TMTC1: variants seen among roughly 807,000 people sequenced by gnomAD.
TMTC1 encodes the protein protein O-mannosyl-transferase TMTC1.
A neutral mutation model predicts 104.8 loss-of-function variants in TMTC1; 73 were observed. The observed-to-expected ratio is 0.70, with a 90% CI of 0.58 to 0.85. The LOEUF (loss-of-function observed/expected upper bound fraction) is 0.85. TMTC1 is among the 40% of genes least tolerant of loss of function. The probability of loss-of-function intolerance (pLI) is 0.00; values close to 1 mark genes in which losing one functional copy is unlikely to be tolerated. For synonymous variants in TMTC1, 434 were observed against 428.7 expected (o/e 1.01, Z -0.15); for missense variants, 1,035 against 1,096.1 (o/e 0.94, Z 0.79).
chr12:29,642,937 T>C (rs114992749), intron 5 of TMTC1, among the ~76,000 whole-genome samples: 8,458 of 147,158 alleles, frequency 0.057, 284 homozygotes, highest in African/African-American at 0.076. Flanking sequence ...AAAAAAAAAC[T>C]CCCAAACAAA....
chr12:29,653,969 T>G (rs957695874), intron 5 of TMTC1, among the ~76,000 whole-genome samples: 1 of 152,216 alleles, frequency 6.6e-6, no homozygotes, highest in African/African-American at 2.4e-5. Context: ...AACTAAAGTT[T>G]TGTATAACTC....
chr12:29,691,884 C>T (rs549737716), intron 5 of TMTC1, among the ~76,000 whole-genome samples: 1 of 144,782 alleles, frequency 6.9e-6, no homozygotes, highest in South Asian at 2.2e-4. Flanking sequence ...ACTGCTGTGT[C>T]CAGAGGGTCG....
intron 10 of TMTC1, among the ~76,000 whole-genome samples, chr12:29,556,566 G>GCATGT (rs1439219640): frequency 2.0e-5 from 3 of 152,172 alleles, no homozygotes; most frequent in African/African-American, 7.2e-5. Flanking sequence ...GCTTAGCTCA[G>GCATGT]CATGTTCTCA....
At chr12:29,533,359 GA>G (rs1296483559) in intron 11 of TMTC1, 3 of 152,168 alleles carry the variant, frequency 2.0e-5, no homozygotes, top group Non-Finnish European at 4.4e-5. Context: ...CTGAGGATGG[GA>G]AATGATGTCA....
chr12:29,745,024 T>G (rs1432460491), intron 5 of TMTC1, among the ~76,000 whole-genome samples: 1 of 152,096 alleles, frequency 6.6e-6, no homozygotes, highest in African/African-American at 2.4e-5. Context: ...CTCTTGGACT[T>G]AAGCGATCCT....
intron 1 of TMTC1, among the ~76,000 whole-genome samples, chr12:29,777,127 G>T (rs983783166): frequency 6.6e-5 from 10 of 151,630 alleles, no homozygotes; most frequent in Non-Finnish European, 1.0e-4. Context: ...ACAGAGTCTC[G>T]CTCTGTTGCC....
chr12:29,636,973 T>A lies in TMTC1; in HGVS notation c.939-3637A>T, dbSNP rs187138616. On this transcript the variant is annotated intron_variant, in intron 5 of 17. Coordinates refer to ENST00000539277, the MANE Select transcript of TMTC1 (RefSeq NM_001193451.2). ...CCAGAGGCTGAGTTGAGAGGATGGA[T>A]CACTTTAGCCAGGGAGGTCAAGGCT... 6.3e-3 allele frequency among the ~76,000 whole-genome samples: 954 copies of A among 151,402 alleles called. 17 individuals carry two copies. The highest frequency in any genetic ancestry group is 0.022 in the African/African-American group (899 of 41,218).
At chr12:29,624,333 A>C (rs7979833) in intron 6 of TMTC1, among the ~76,000 whole-genome samples, 1 of 151,482 alleles carries the variant, frequency 6.6e-6, no homozygotes, top group Non-Finnish European at 1.5e-5. Context: ...TGGGCCCACC[A>C]AGAAGAAAAC....
intron 9 of TMTC1, among the ~76,000 whole-genome samples, chr12:29,571,396 A>C (rs897936136): frequency 4.0e-5 from 6 of 151,868 alleles, no homozygotes; most frequent in African/African-American, 1.5e-4. Flanking sequence ...CCCAACCAGC[A>C]ACTATAACTG....
intron 5 of TMTC1, among the ~76,000 whole-genome samples, chr12:29,687,851 A>G (rs1013463668): frequency 6.6e-6 from 1 of 152,098 alleles, no homozygotes; most frequent in Non-Finnish European, 1.5e-5. Context: ...AAGAACTATG[A>G]TATCTCTTCC....
chr12:29,746,508 G>T (rs1241285415), intron 5 of TMTC1, among the ~76,000 whole-genome samples: 1 of 152,124 alleles, frequency 6.6e-6, no homozygotes, highest in African/African-American at 2.4e-5. Context: ...TGACATAAAA[G>T]TTCAAAAGCC....
In TMTC1 at chr12:29,520,730, GA is replaced by G. The variant is rs770386211; in HGVS notation, c.1786-11del. 1 of 1,591,600 alleles carries G rather than the reference GA, an allele frequency of 6.3e-7. No individual in the cohort carries two copies. The highest frequency in any genetic ancestry group is 1.1e-5 in the South Asian group (1 of 87,724). ...CTTCTTTAAACCGCTCCTTTAAAAA[GA>G]AAGAAACAAACAAAATAAGTGAGAA... On this transcript the variant is annotated splice_polypyrimidine_tract_variant and intron_variant, in intron 11 of 17. Transcript: ENST00000539277.
chr12:29,716,945 G>T (rs1182927618), intron 5 of TMTC1, among the ~76,000 whole-genome samples: 2 of 152,078 alleles, frequency 1.3e-5, no homozygotes, highest in Non-Finnish European at 2.9e-5. Flanking sequence ...AACCTGGGAG[G>T]TGGAGCTTGC....
intron 10 of TMTC1, among the ~76,000 whole-genome samples, chr12:29,541,847 C>T (rs919542049): frequency 1.3e-4 from 19 of 151,956 alleles, no homozygotes; most frequent in Admixed American, 5.9e-4. Context: ...TTAGGAGAGA[C>T]GGTGTTTCAC....
chr12:29,582,482 C>T (rs960843951), intron 8 of TMTC1, among the ~76,000 whole-genome samples: 18 of 152,180 alleles, frequency 1.2e-4, no homozygotes, highest in Non-Finnish European at 2.2e-4. Flanking sequence ...GCTTTCTTTT[C>T]CTAAGACTTT....
chr12:29,612,724 C>T (rs1002626298), intron 6 of TMTC1, among the ~76,000 whole-genome samples: 5 of 152,132 alleles, frequency 3.3e-5, no homozygotes, highest in Non-Finnish European at 7.4e-5. Flanking sequence ...CTCATCCACT[C>T]ATCTTGACAC....
intron 1 of TMTC1, among the ~76,000 whole-genome samples, chr12:29,778,043 T>C (rs1254912549): frequency 2.0e-5 from 3 of 152,216 alleles, no homozygotes; most frequent in Admixed American, 6.5e-5. Flanking sequence ...ACCTTCAAGA[T>C]CAAACATTAA....
chr12:29,758,897 A>C, intron 2 of TMTC1, 120 bp from the exon 3 acceptor site: 1 of 852,888 alleles, frequency 1.2e-6, no homozygotes, highest in Non-Finnish European at 1.7e-6. Flanking sequence ...ATAAAATAGA[A>C]ATCTCACTGT....
At chr12:29,718,041 A>C (rs1379874818) in intron 5 of TMTC1, among the ~76,000 whole-genome samples, 1 of 152,190 alleles carries the variant, frequency 6.6e-6, no homozygotes, top group East Asian at 1.9e-4. Flanking sequence ...CAAAATAAGT[A>C]AAGGGAGGTA....
Sources: allele counts gnomAD v4.1 joint callset (sites outside exome capture counted in the v4.1 genomes callset), GRCh38; gene constraint gnomAD v4.1.1; transcripts MANE v1.5; gene names NCBI Gene and HGNC (gene_info 2026-07-23, HGNC 2026-07-21).